The following MIA2 variants were observed in gnomAD, a reference collection of about 807,000 sequenced individuals.
The protein encoded by MIA2 is melanoma inhibitory activity protein 2.
In MIA2, 127 loss-of-function variants were observed where a neutral mutation model predicts 167.8. The observed-to-expected ratio is 0.76, with a 90% CI of 0.66 to 0.88. The LOEUF (loss-of-function observed/expected upper bound fraction) is 0.88, where lower values mean the gene tolerates loss of function less well. MIA2 is among the 40% of genes least tolerant of loss of function. The pLI is 0.00. For synonymous variants in MIA2, 552 were observed against 541.9 expected, an observed-to-expected ratio of 1.02 and a Z score of -0.26; for missense variants, 1,690 against 1,624.7, an observed-to-expected ratio of 1.04 and a Z score of -0.69.
intron 7 of MIA2, among the ~76,000 whole-genome samples, chr14:39,277,776 A>ATATATATATATATATT (rs1555358832): frequency 5.6e-5 from 2 of 35,768 alleles, no homozygotes; most frequent in South Asian, 1.2e-3. Flanking sequence ...ATATATATAT[A>ATATATATATATATATT]TATATTTATA....
chr14:39,352,602 A>G (rs1214844402), downstream of MIA2, among the ~76,000 whole-genome samples: 2 of 151,888 alleles, frequency 1.3e-5, no homozygotes, highest in South Asian at 2.1e-4. Flanking sequence ...ACCAAAATCC[A>G]TGGATGCTCA....
chr14:39,296,647 T>A (rs532772455), intron 13 of MIA2, among the ~76,000 whole-genome samples: 79 of 149,878 alleles, frequency 5.3e-4, no homozygotes, highest in African/African-American at 1.8e-3. Flanking sequence ...ATTTTTTTTT[T>A]ATTATACTCT....
chr14:39,365,255 G>A (rs569275195), intron 23 of MIA2, among the ~76,000 whole-genome samples: 101 of 151,990 alleles, frequency 6.6e-4, no homozygotes, highest in Non-Finnish European at 1.3e-3. Context: ...TAGTAGAGAC[G>A]GGGTTTCACC....
intron 2 of MIA2, among the ~76,000 whole-genome samples, chr14:39,237,710 AT>A (rs1251179972): frequency 6.6e-6 from 1 of 152,006 alleles, no homozygotes; most frequent in Non-Finnish European, 1.5e-5. Flanking sequence ...AACCCCAGTC[AT>A]TTCTTGGTGC....
intron 23 of MIA2, among the ~76,000 whole-genome samples, chr14:39,382,271 A>G (rs1486078755): frequency 6.6e-6 from 1 of 152,226 alleles, no homozygotes; most frequent in African/African-American, 2.4e-5. Context: ...GCCTCAGCAA[A>G]TCATCCTATT....
At chr14:39,266,815 T>TGGGCCTGGCGTCGGCCCC (rs1333354602) in intron 6 of MIA2, 2 of 188,332 alleles carry the variant, frequency 1.1e-5, no homozygotes, top group East Asian at 5.4e-4. Context: ...GTGTCGGGGC[T>TGGGCCTGGCGTCGGCCCC]GGGCCTGGCG....
rs1045791493 is a variant in MIA2, at chr14:39,321,051, G to C, written c.3491G>C (p.Gly1164Ala). The change falls in exon 24 of 29, where the codon GGA becomes GCA. Residue 1164 changes from glycine (G) to alanine (A), a missense_variant. By Grantham distance (60) the Gly-to-Ala change is moderately conservative. Coordinates refer to ENST00000640607, the MANE Select transcript of MIA2 (RefSeq NM_001329214.4). ...RLSPLLPGGG[G>A]RGSRGPGNPL... ...TCACCTTTGCTTCCAGGGGGAGGAG[G>C]AAGAGGTATATTGTTTAAACATCTT... The C allele has an allele frequency of 6.2e-7, 1 of 1,612,318 alleles. No individual in the cohort carries two copies. The highest frequency in any genetic ancestry group is 8.5e-7 in the Non-Finnish European group (1 of 1,179,344).
chr14:39,352,483 T>C (rs896882670), downstream of MIA2, among the ~76,000 whole-genome samples: 2 of 152,140 alleles, frequency 1.3e-5, no homozygotes, highest in African/African-American at 4.8e-5. Flanking sequence ...ATTCCCCTTC[T>C]TCCTTTTACT....
chr14:39,352,074 T>G (rs1459592204), downstream of MIA2, among the ~76,000 whole-genome samples: 1 of 152,186 alleles, frequency 6.6e-6, no homozygotes, highest in Non-Finnish European at 1.5e-5. Context: ...TGCTTTATAC[T>G]TAGGCCAGGT....
At chr14:39,364,817 T>C (rs193262847) in intron 23 of MIA2, among the ~76,000 whole-genome samples, 157 of 151,710 alleles carry the variant, frequency 1.0e-3, no homozygotes, top group African/African-American at 3.6e-3. Flanking sequence ...GAGAAATCTG[T>C]GGTTATTTTG....
chr14:39,382,417 G>T (rs67439322), intron 23 of MIA2, among the ~76,000 whole-genome samples: 47,901 of 152,034 alleles, frequency 0.32, 8,070 homozygotes, highest in East Asian at 0.51. Flanking sequence ...CTCAACCAAT[G>T]CAGAAGTTTG....
intron 6 of MIA2, chr14:39,266,415 A>T (rs2055644994): frequency 1.0e-6 from 1 of 985,304 alleles, no homozygotes; most frequent in South Asian, 4.7e-5. Flanking sequence ...TCGGAGGAAA[A>T]CAGCACGCAC....
At chr14:39,386,729 A>G in intron 23 of MIA2, 1 of 1,339,598 alleles carries the variant, frequency 7.5e-7, no homozygotes, top group Non-Finnish European at 1.1e-6. Flanking sequence ...AATATTTGTA[A>G]TCTGGTTCAG....
chr14:39,327,035 A>T lies in MIA2; in HGVS notation c.3655+13A>T, dbSNP rs1286764347. 2 of 1,464,578 alleles carry T rather than the reference A, an allele frequency of 1.4e-6. No individual in the cohort carries two copies. Among genetic ancestry groups the T allele is most frequent in the Non-Finnish European group, 1.8e-6 (2 of 1,108,896 alleles). The allele number at this position is 1,464,578 out of a possible 1,614,324, so 90.7% of individuals were successfully genotyped here. ...TTTCCTCCGCCAGGTATGTAAAGAC[A>T]ATAGTTATTATTTCTCTTTGAAAGG... On this transcript the variant is annotated intron_variant, in intron 25 of 28. Transcript: ENST00000640607.
At chr14:39,277,726 A>T (rs1322777280) in intron 7 of MIA2, among the ~76,000 whole-genome samples, 2 of 3,884 alleles carry the variant, frequency 5.1e-4, no homozygotes, top group African/African-American at 1.9e-3. Flanking sequence ...GTGTGTATAT[A>T]TATATATATA....
chr14:39,308,959 C>T lies in MIA2; in HGVS notation c.3017+372C>T, dbSNP rs528584965. Among the ~76,000 whole-genome samples, 3 of 152,320 alleles carry T rather than the reference C, an allele frequency of 2.0e-5. No homozygotes were observed. In the South Asian group the frequency reaches 6.2e-4, roughly 32 times the overall value. ...TTTTTCTGTTCTGTGCAAATTGCTT[C>T]TGCCCAGGTGTTCCTTGGCTTAGTA... On this transcript the variant is annotated intron_variant, in intron 18 of 28. Coordinates refer to ENST00000640607, the MANE Select transcript of MIA2 (RefSeq NM_001329214.4).
At chr14:39,315,812 G>C (rs917816868) in intron 21 of MIA2, 94 bp downstream of exon 21, 45 of 826,186 alleles carry the variant, frequency 5.4e-5, no homozygotes, top group African/African-American at 1.6e-4. Flanking sequence ...AATAAATATA[G>C]TATTCTAAAA....
At chr14:39,330,444 TTG>T (rs1566949403) in intron 25 of MIA2, among the ~76,000 whole-genome samples, 1 of 152,198 alleles carries the variant, frequency 6.6e-6, no homozygotes, top group East Asian at 1.9e-4. Context: ...GAAGGGTTTT[TTG>T]TGTCTTTATC....
At chr14:39,327,692 C>A (rs148320341) in intron 25 of MIA2, among the ~76,000 whole-genome samples, 4,766 of 152,108 alleles carry the variant, frequency 0.031, 271 homozygotes, top group African/African-American at 0.11. Context: ...TTATTCAACT[C>A]CCACTTATGA....
Sources: gnomAD v4.1 joint callset for allele counts (sites outside exome capture counted in the v4.1 genomes callset) on GRCh38, gnomAD v4.1.1 for gene constraint, MANE v1.5 for transcripts, NCBI Gene and HGNC (gene_info 2026-07-23, HGNC 2026-07-21) for gene names.